The following USP26 variants were observed in gnomAD, a reference collection of about 807,000 sequenced individuals.
USP26 encodes the protein ubiquitin specific peptidase 26.
For synonymous variants in USP26, 236 were observed against 240.6 expected, an observed-to-expected ratio of 0.98 and a Z score of 0.18; for missense variants, 649 against 642.3, an observed-to-expected ratio of 1.01 and a Z score of -0.11.
intron 5 of USP26, among the ~76,000 whole-genome samples, chrX:133,071,043 G>A (rs1367662883): frequency 7.3e-5 from 8 of 110,021 alleles, no homozygotes; most frequent in African/African-American, 2.3e-4. Context: ...ATGGTGAAAC[G>A]CCATCTCTAT....
chrX:133,065,123 C>A (rs190447383), intron 5 of USP26, among the ~76,000 whole-genome samples: 92 of 111,697 alleles, frequency 8.2e-4, no homozygotes, highest in Non-Finnish European at 1.4e-3. Flanking sequence ...ACTAGAAAGT[C>A]TAGATGAAAT....
At chrX:133,076,572 G>A (rs111806365) in intron 5 of USP26, among the ~76,000 whole-genome samples, 2,689 of 111,830 alleles carry the variant, frequency 0.024, 54 homozygotes, top group East Asian at 0.1. Flanking sequence ...CAGTAGAAAG[G>A]ACAGGATGTT....
chrX:133,069,528 A>G (rs923581215), intron 5 of USP26, among the ~76,000 whole-genome samples: 2 of 110,970 alleles, frequency 1.8e-5, no homozygotes, highest in Non-Finnish European at 3.8e-5. Context: ...ATGTATTCCC[A>G]GAAAATAAAG....
chrX:133,087,139 T>C (rs2067592454), intron 4 of USP26, among the ~76,000 whole-genome samples: 1 of 111,076 alleles, frequency 9.0e-6, no homozygotes, highest in Admixed American at 9.6e-5. Context: ...ACCAGAAATA[T>C]ACGCCATGGA....
At chrX:133,037,206 T>C (rs1308960702) in intron 5 of USP26, among the ~76,000 whole-genome samples, 2 of 112,318 alleles carry the variant, frequency 1.8e-5, no homozygotes, top group African/African-American at 6.5e-5. Context: ...ATTTTGGCTT[T>C]TGTTGCAATT....
At chrX:133,043,780 T>C (rs987969466) in intron 5 of USP26, among the ~76,000 whole-genome samples, 7 of 111,950 alleles carry the variant, frequency 6.3e-5, no homozygotes, top group African/African-American at 2.3e-4. Context: ...TGGTGGCATG[T>C]TCCTGTAGTC....
chrX:133,039,930 C>T (rs184112727), intron 5 of USP26, among the ~76,000 whole-genome samples: 502 of 111,633 alleles, frequency 4.5e-3, no homozygotes, highest in African/African-American at 0.013. Context: ...GCATTGATCC[C>T]TTTACCATTA....
At chrX:133,044,390 C>T (rs866923281) in intron 5 of USP26, among the ~76,000 whole-genome samples, 9 of 112,989 alleles carry the variant, frequency 8.0e-5, no homozygotes, top group South Asian at 3.6e-4. Context: ...GAGGCATGGG[C>T]GGGAACCGGG....
chrX:133,027,388 T>C lies in USP26; in HGVS notation c.833A>G (p.Lys278Arg). 1 of 1,211,642 alleles carries C rather than the reference T, an allele frequency of 8.3e-7. No homozygotes were observed. Among genetic ancestry groups the C allele is most frequent in the South Asian group, 1.8e-5 (1 of 56,971 alleles). ...LQQGYSDGYT[K>R]WDKLKLFFEL... ...AAAAAATAGTTTTAATTTATCCCACTTTGTGTAACCGTCACTATACCCTTG... is the reference window on the plus strand; with the variant it reads ...AAAAAATAGTTTTAATTTATCCCACCTTGTGTAACCGTCACTATACCCTTG... Residue 278 changes from lysine (K) to arginine (R), a missense_variant, in exon 6 of 6, where the codon AAG becomes AGG. Coordinates refer to ENST00000511190, the MANE Select transcript of USP26 (RefSeq NM_031907.3).
chrX:133,065,545 A>G (rs1379912202), intron 5 of USP26, among the ~76,000 whole-genome samples: 1 of 111,892 alleles, frequency 8.9e-6, no homozygotes, highest in East Asian at 2.8e-4. Context: ...CATCAGCTTC[A>G]CCCTGGGATG....
chrX:133,023,530 T>A lies in USP26; in HGVS notation c.*1949A>T, dbSNP rs1327635158. Among the ~76,000 whole-genome samples the A allele has an allele frequency of 8.9e-6, 1 of 111,816 alleles. No individual in the cohort carries two copies. Among genetic ancestry groups the A allele is most frequent in the Non-Finnish European group, 1.9e-5 (1 of 53,192 alleles). On this transcript the variant is annotated 3_prime_UTR_variant, in exon 6 of 6. Coordinates refer to ENST00000511190, the MANE Select transcript of USP26 (RefSeq NM_031907.3). ...AAAAACTGAAATTTAGAAACCAAAC[T>A]GTCACTCTCCTCTAAATGCAACTCC... is the stretch of plus-strand genomic sequence containing the variant.
At chrX:133,050,892 A>G (rs1158958494) in intron 5 of USP26, among the ~76,000 whole-genome samples, 2 of 112,216 alleles carry the variant, frequency 1.8e-5, no homozygotes, top group South Asian at 3.7e-4. Context: ...CTTGAATATG[A>G]CTAATGAGAG....
chrX:133,025,428 G>A lies in USP26; in HGVS notation c.*51C>T, dbSNP rs774697736. ...CAGTTTTCCTTCCATGGAGGAAGTG[G>A]TATCGAGTGAGACAGTCAGGCAGAT... On this transcript the variant is annotated 3_prime_UTR_variant, in exon 6 of 6. Coordinates refer to ENST00000511190, the MANE Select transcript of USP26 (RefSeq NM_031907.3). The A allele has an allele frequency of 8.3e-7, 1 of 1,207,748 alleles. No homozygotes were observed. Among genetic ancestry groups the A allele is most frequent in the South Asian group, 1.8e-5 (1 of 56,462 alleles).
intron 5 of USP26, among the ~76,000 whole-genome samples, chrX:133,075,884 C>T (rs750097506): frequency 7.2e-5 from 8 of 111,777 alleles, no homozygotes; most frequent in Non-Finnish European, 1.1e-4. Context: ...CCTTTACACA[C>T]GTTATCCCAT....
chrX:133,048,019 G>A (rs1275195951), intron 5 of USP26, among the ~76,000 whole-genome samples: 1 of 111,507 alleles, frequency 9.0e-6, no homozygotes, highest in East Asian at 2.8e-4. Flanking sequence ...GTTTTTCCAC[G>A]CTCACCAATT....
intron 1 of USP26, among the ~76,000 whole-genome samples, chrX:133,095,093 C>CAAAAAAAAAA (rs35394795): frequency 5.9e-5 from 3 of 51,223 alleles, no homozygotes; most frequent in Admixed American, 2.6e-4. Flanking sequence ...AGACTCTTGT[C>CAAAAAAAAAA]AAAAAAAAAA....
At chrX:133,058,199 A>G (rs2067483037) in intron 5 of USP26, among the ~76,000 whole-genome samples, 1 of 109,374 alleles carries the variant, frequency 9.1e-6, no homozygotes, top group Non-Finnish European at 1.9e-5. Context: ...GGTGTTTCAT[A>G]TGGACCAGAA....
At chrX:133,076,407 C>T (rs2067548669) in intron 5 of USP26, among the ~76,000 whole-genome samples, 1 of 110,816 alleles carries the variant, frequency 9.0e-6, no homozygotes, top group South Asian at 3.9e-4. Context: ...ATTGCTGGGC[C>T]TTTGAAGTAA....
intron 5 of USP26, among the ~76,000 whole-genome samples, chrX:133,036,997 T>C (rs1289412870): frequency 2.7e-5 from 3 of 112,659 alleles, no homozygotes; most frequent in Non-Finnish European, 5.6e-5. Flanking sequence ...TATCTGTTTA[T>C]ATCCTTCACG....
Sources: allele counts gnomAD v4.1 joint callset (sites outside exome capture counted in the v4.1 genomes callset), GRCh38; gene constraint gnomAD v4.1.1; transcripts MANE v1.5; gene names NCBI Gene and HGNC (gene_info 2026-07-23, HGNC 2026-07-21).